SWT1: variants seen among roughly 807,000 people sequenced by gnomAD.
SWT1 encodes the protein transcriptional protein SWT1.
A neutral mutation model predicts 107.3 loss-of-function variants in SWT1; 33 were observed. That is an observed-to-expected ratio of 0.31 (90% CI 0.23 to 0.41). The LOEUF (loss-of-function observed/expected upper bound fraction) is 0.41. Among genes scored for constraint, SWT1 ranks in the 10% least tolerant of loss-of-function variants. The pLI, the probability that SWT1 is intolerant of heterozygous loss-of-function variation, is 1.00. For synonymous variants in SWT1, 345 were observed against 348.3 expected, an observed-to-expected ratio of 0.99 and a Z score of 0.11; for missense variants, 898 against 1,028.9, an observed-to-expected ratio of 0.87 and a Z score of 1.74.
chr1:185,230,730 T>TTGTGTG (rs139516173), intron 15 of SWT1, among the ~76,000 whole-genome samples: 79 of 149,450 alleles, frequency 5.3e-4, no homozygotes, highest in African/African-American at 1.8e-3. Context: ...GTTTGGTGTT[T>TTGTGTG]TGTGTGTGTG....
At chr1:185,191,573 G>A (rs1337085666) in intron 10 of SWT1, among the ~76,000 whole-genome samples, 1 of 152,056 alleles carries the variant, frequency 6.6e-6, no homozygotes, top group Non-Finnish European at 1.5e-5. Context: ...TATTATTTTA[G>A]CTATCTTCAA....
At chr1:185,241,332 GA>G (rs1661242529) in intron 16 of SWT1, among the ~76,000 whole-genome samples, 1 of 152,022 alleles carries the variant, frequency 6.6e-6, no homozygotes, top group African/African-American at 2.4e-5. Flanking sequence ...TACTTTCTTT[GA>G]GGCTTGGCCT....
chr1:185,211,359 A>G (rs1274116508), intron 13 of SWT1, among the ~76,000 whole-genome samples: 3 of 152,208 alleles, frequency 2.0e-5, no homozygotes, highest in African/African-American at 4.8e-5. Flanking sequence ...AGACCAGTGG[A>G]ACTGAACAGA....
At chr1:185,161,397 A>C (rs1165622571) in intron 2 of SWT1, among the ~76,000 whole-genome samples, 1 of 152,136 alleles carries the variant, frequency 6.6e-6, no homozygotes, top group Non-Finnish European at 1.5e-5. Context: ...CTGTTCTCTC[A>C]GACACTACCT....
chr1:185,167,078 T>C (rs1011056166), intron 3 of SWT1, among the ~76,000 whole-genome samples: 12 of 152,136 alleles, frequency 7.9e-5, no homozygotes, highest in Non-Finnish European at 1.5e-4. Context: ...CAGCTAATTT[T>C]TGTATTTTTA....
At chr1:185,216,961 A>AAAAAG (rs1451726566) in intron 14 of SWT1, among the ~76,000 whole-genome samples, 2 of 151,480 alleles carry the variant, frequency 1.3e-5, no homozygotes, top group African/African-American at 2.4e-5. Context: ...CAAAAAAAAA[A>AAAAAG]AAAAGAAAAG....
intron 16 of SWT1, among the ~76,000 whole-genome samples, chr1:185,241,455 A>G (rs913340343): frequency 3.9e-5 from 6 of 152,138 alleles, no homozygotes; most frequent in Non-Finnish European, 7.4e-5. Context: ...TCCTTTCATC[A>G]CCAAGTATAT....
At chr1:185,193,984 A>G (rs1293721458) in intron 10 of SWT1, among the ~76,000 whole-genome samples, 8 of 152,220 alleles carry the variant, frequency 5.3e-5, no homozygotes, top group South Asian at 2.1e-4. Flanking sequence ...ATATACATCT[A>G]AGATTGTTTA....
intron 16 of SWT1, among the ~76,000 whole-genome samples, chr1:185,253,241 G>T (rs1165597565): frequency 6.6e-6 from 1 of 150,664 alleles, no homozygotes; most frequent in Admixed American, 6.6e-5. Flanking sequence ...TGTTCTTTTG[G>T]CTTAGGATTG....
At chr1:185,210,663 TC>T (rs988209386) in intron 13 of SWT1, among the ~76,000 whole-genome samples, 14 of 152,090 alleles carry the variant, frequency 9.2e-5, no homozygotes, top group African/African-American at 3.4e-4. Context: ...CTCTCACCAC[TC>T]CTATTGAACA....
At chr1:185,276,040 G>T (rs932327088) in intron 17 of SWT1, among the ~76,000 whole-genome samples, 9 of 152,172 alleles carry the variant, frequency 5.9e-5, no homozygotes, top group African/African-American at 1.9e-4. Flanking sequence ...CAAGTTTTCA[G>T]ATTCTTCCCT....
At chr1:185,231,546 C>T in intron 15 of SWT1, 31 bp from the exon 16 acceptor site, 1 of 1,538,178 alleles carries the variant, frequency 6.5e-7, no homozygotes, top group Non-Finnish European at 8.9e-7. Flanking sequence ...TGTATGTATA[C>T]CTATGAGTAT....
chr1:185,268,171 T>C (rs751899417), intron 16 of SWT1, among the ~76,000 whole-genome samples: 1 of 152,248 alleles, frequency 6.6e-6, no homozygotes, highest in Non-Finnish European at 1.5e-5. Context: ...CTATAACATA[T>C]ATTGTTGTTT....
intron 13 of SWT1, among the ~76,000 whole-genome samples, chr1:185,209,209 G>T (rs900204418): frequency 3.3e-5 from 5 of 151,858 alleles, no homozygotes; most frequent in African/African-American, 9.7e-5. Context: ...TGCTATCCTG[G>T]CTCCAGTTTC....
intron 5 of SWT1, among the ~76,000 whole-genome samples, chr1:185,177,794 C>T (rs1029732143): frequency 1.3e-5 from 2 of 152,094 alleles, no homozygotes; most frequent in African/African-American, 2.4e-5. Context: ...AAATTGCAAA[C>T]CTCCCCCTCA....
rs140530011 is a variant in SWT1, at chr1:185,232,979, C to G, written c.2441+1271C>G. Among the ~76,000 whole-genome samples, 359 of 152,284 alleles carry G rather than the reference C, an allele frequency of 2.4e-3. 2 individuals are homozygous for G. Among genetic ancestry groups the G allele is most frequent in the African/African-American group, 8.1e-3 (337 of 41,550 alleles). ...TATGTGTCAGCAAGGTTGAGAACCT[C>G]TAGCCAATATGCTTATCTAGTGGTT... On this transcript the variant is annotated intron_variant, in intron 16 of 18. Coordinates refer to ENST00000367500, the MANE Select transcript of SWT1 (RefSeq NM_017673.7).
intron 2 of SWT1, among the ~76,000 whole-genome samples, chr1:185,163,496 C>T (rs1297196283): frequency 4.0e-5 from 6 of 150,730 alleles, no homozygotes; most frequent in East Asian, 2.0e-4. Flanking sequence ...TGGGTTCAGG[C>T]GATTTTCTTG....
At chr1:185,269,266 ATTATG>A (rs1663658418) in intron 16 of SWT1, among the ~76,000 whole-genome samples, 1 of 151,880 alleles carries the variant, frequency 6.6e-6, no homozygotes. Flanking sequence ...TTTTAAGCAA[ATTATG>A]TATGGATCCT....
At position 185,204,572 on chromosome 1, in the gene SWT1, ATT is replaced by A. The variant is rs1310987211; in HGVS notation, c.1670-126_1670-125del. On this transcript the variant is annotated intron_variant, in intron 11 of 18. Transcript: ENST00000367500. Reference sequence around the variant, plus strand: ...TTCTAAATTGTTTTGAAAATAAAATATTTGTTTGTTTTATATATAATTAAAAT... The same window carrying A: ...TTCTAAATTGTTTTGAAAATAAAATATGTTTGTTTTATATATAATTAAAAT... 4.6e-5 allele frequency: 19 copies of A among 416,468 alleles called. 1 individual carries two copies. The highest frequency in any genetic ancestry group is 7.5e-5 in the Non-Finnish European group (18 of 239,114). 25.8% of individuals were successfully genotyped at this position (416,468 alleles called of 1,614,324 possible). A position where few individuals can be genotyped will look rare whatever the true frequency, so the allele number is the denominator to read the frequency against.
Sources: gnomAD v4.1 joint callset for allele counts (sites outside exome capture counted in the v4.1 genomes callset) on GRCh38, gnomAD v4.1.1 for gene constraint, MANE v1.5 for transcripts, NCBI Gene and HGNC (gene_info 2026-07-23, HGNC 2026-07-21) for gene names.